MSRB3: variants seen among roughly 807,000 people sequenced by gnomAD.
The protein encoded by MSRB3 is methionine sulfoxide reductase B3, also known as methionine-R-sulfoxide reductase B3.
Under a neutral mutation model 21.0 loss-of-function variants are expected in MSRB3, and 13 were observed. The ratio of observed to expected loss-of-function variants is 0.62; its 90% CI spans 0.40 to 0.98. MSRB3 has a LOEUF of 0.98. MSRB3 is among the 50% of genes least tolerant of loss of function. MSRB3 has a pLI of 0.00. For synonymous variants in MSRB3, 87 were observed against 88.6 expected, an observed-to-expected ratio of 0.98 and a Z score of 0.10; for missense variants, 199 against 230.3, an observed-to-expected ratio of 0.86 and a Z score of 0.88.
At chr12:65,367,441 C>T (rs1324595919) in intron 4 of MSRB3, among the ~76,000 whole-genome samples, 2 of 152,196 alleles carry the variant, frequency 1.3e-5, no homozygotes, top group African/African-American at 4.8e-5. Flanking sequence ...GGAAGAACAC[C>T]TCTGGCTTCT....
chr12:65,323,486 A>G (rs1874821657), intron 2 of MSRB3, among the ~76,000 whole-genome samples: 1 of 152,238 alleles, frequency 6.6e-6, no homozygotes, highest in Non-Finnish European at 1.5e-5. Context: ...GTGTGTACAC[A>G]CACACTCACT....
At chr12:65,362,223 A>G (rs150161840) in intron 4 of MSRB3, among the ~76,000 whole-genome samples, 1 of 152,190 alleles carries the variant, frequency 6.6e-6, no homozygotes, top group East Asian at 1.9e-4. Flanking sequence ...AGATTGCTAT[A>G]GCAGTTCTAA....
At chr12:65,359,912 A>G (rs1313560309) in intron 4 of MSRB3, among the ~76,000 whole-genome samples, 1 of 152,114 alleles carries the variant, frequency 6.6e-6, no homozygotes, top group East Asian at 1.9e-4. Flanking sequence ...CAGGACTGCC[A>G]TAACAAAGTA....
At chr12:65,283,036 A>G (rs1872131586) in intron 1 of MSRB3, among the ~76,000 whole-genome samples, 1 of 152,230 alleles carries the variant, frequency 6.6e-6, no homozygotes, top group Non-Finnish European at 1.5e-5. Flanking sequence ...CACTGAATAA[A>G]ATGCTGACCT....
At chr12:65,426,394 C>T (rs2136654855) in intron 5 of MSRB3, among the ~76,000 whole-genome samples, 1 of 152,218 alleles carries the variant, frequency 6.6e-6, no homozygotes, top group Middle Eastern at 3.4e-3. Context: ...CTGTAAGGTT[C>T]CTGCTGAGAA....
chr12:65,384,226 A>C (rs1471220240), intron 5 of MSRB3, among the ~76,000 whole-genome samples: 4 of 152,170 alleles, frequency 2.6e-5, no homozygotes, highest in African/African-American at 9.6e-5. Context: ...TATTCTTCTT[A>C]CTGGTAGATT....
intron 1 of MSRB3, 182 bp downstream of exon 1, chr12:65,279,047 G>A (rs1592479553): frequency 1.4e-6 from 2 of 1,425,032 alleles, no homozygotes; most frequent in African/African-American, 1.5e-5. Context: ...CCCCGCGCCA[G>A]CGGTGAGGGG....
chr12:65,341,841 C>T (rs749384973), intron 4 of MSRB3, among the ~76,000 whole-genome samples: 4 of 151,828 alleles, frequency 2.6e-5, no homozygotes, highest in Non-Finnish European at 5.9e-5. Flanking sequence ...ACTGGGACAT[C>T]TTAGGAAAAA....
At chr12:65,296,881 A>G (rs1179412162) in intron 1 of MSRB3, among the ~76,000 whole-genome samples, 1 of 152,084 alleles carries the variant, frequency 6.6e-6, no homozygotes, top group East Asian at 2.0e-4. Flanking sequence ...TAATTTTCTC[A>G]TGGAAGTGAT....
chr12:65,279,992 T>C (rs1871915256), intron 1 of MSRB3, among the ~76,000 whole-genome samples: 1 of 152,204 alleles, frequency 6.6e-6, no homozygotes, highest in Admixed American at 6.5e-5. Context: ...AAACTAGGAC[T>C]CATAAATTAG....
At chr12:65,416,990 A>G (rs1465514440) in intron 5 of MSRB3, among the ~76,000 whole-genome samples, 3 of 152,168 alleles carry the variant, frequency 2.0e-5, no homozygotes, top group African/African-American at 7.2e-5. Context: ...CTCAGACAAC[A>G]CAAGCACTAC....
At chr12:65,289,184 A>G (rs530576408) in intron 1 of MSRB3, among the ~76,000 whole-genome samples, 1 of 152,268 alleles carries the variant, frequency 6.6e-6, no homozygotes, top group African/African-American at 2.4e-5. Flanking sequence ...TCAGTTTTGC[A>G]TATGTTAGAA....
chr12:65,455,367 G>C (rs528214252), intron 6 of MSRB3, among the ~76,000 whole-genome samples: 1 of 152,230 alleles, frequency 6.6e-6, no homozygotes, highest in South Asian at 2.1e-4. Context: ...TTGTTTCTCA[G>C]AGTGGAGTCT....
intron 5 of MSRB3, among the ~76,000 whole-genome samples, chr12:65,407,683 A>T (rs1694221425): frequency 6.6e-6 from 1 of 152,178 alleles, no homozygotes. Flanking sequence ...CCTATTAAAT[A>T]AATGTGACAC....
At chr12:65,292,094 A>C (rs1017527954) in intron 1 of MSRB3, among the ~76,000 whole-genome samples, 1 of 152,178 alleles carries the variant, frequency 6.6e-6, no homozygotes, top group Non-Finnish European at 1.5e-5. Flanking sequence ...AATCATCTAT[A>C]CTATTCCACT....
At chr12:65,404,021 G>T (rs1880277514) in intron 5 of MSRB3, among the ~76,000 whole-genome samples, 1 of 152,320 alleles carries the variant, frequency 6.6e-6, no homozygotes, top group East Asian at 1.9e-4. Flanking sequence ...GATCTCGCTG[G>T]AAGCTGCAGA....
At chr12:65,361,788 A>G (rs1334774086) in intron 4 of MSRB3, among the ~76,000 whole-genome samples, 1 of 152,114 alleles carries the variant, frequency 6.6e-6, no homozygotes, top group East Asian at 1.9e-4. Context: ...AAACCACATG[A>G]TTTGTCATAA....
chr12:65,291,230 C>T lies in MSRB3; in HGVS notation c.-52+12365C>T, dbSNP rs140468310. ...CCTCCTGAGTAGCTGTGATTACAGG[C>T]GCCTGCCACCATGTCTGGGTAATCT... On this transcript the variant is annotated intron_variant, in intron 1 of 6. Coordinates refer to ENST00000308259, the MANE Select transcript of MSRB3 (RefSeq NM_001031679.3). Among the ~76,000 whole-genome samples, 109 of 152,016 alleles carry T rather than the reference C, an allele frequency of 7.2e-4. 1 individual carries two copies. In the East Asian group the frequency reaches 0.018, roughly 25 times the overall value.
chr12:65,348,708 TC>T (rs1183758238), intron 4 of MSRB3, among the ~76,000 whole-genome samples: 1 of 152,178 alleles, frequency 6.6e-6, no homozygotes, highest in Non-Finnish European at 1.5e-5. Flanking sequence ...CTTCCTGCTT[TC>T]TCTTGTGGGC....
Sources: allele counts gnomAD v4.1 joint callset (sites outside exome capture counted in the v4.1 genomes callset), GRCh38; gene constraint gnomAD v4.1.1; transcripts MANE v1.5; gene names NCBI Gene and HGNC (gene_info 2026-07-23, HGNC 2026-07-21).